The following DNAH11 variants were observed in gnomAD, a reference collection of about 807,000 sequenced individuals.
The protein encoded by DNAH11 is axonemal beta dynein heavy chain 11.
In DNAH11, 442 loss-of-function variants were observed where a neutral mutation model predicts 526.0. The observed-to-expected ratio is 0.84, with a 90% confidence interval of 0.78 to 0.91. DNAH11 has a LOEUF of 0.91. Among genes scored for constraint, DNAH11 ranks in the 40% least tolerant of loss-of-function variants. DNAH11 has a pLI of 0.00. For missense variants in DNAH11, 6,989 were observed against 5,448.7 expected, an observed-to-expected ratio of 1.28 and a Z score of -8.90; for synonymous variants, 2,461 against 1,935.9, an observed-to-expected ratio of 1.27 and a Z score of -7.12.
In DNAH11 at chr7:21,750,213, T is replaced by C. The variant is rs757846593; in HGVS notation, c.8798-9T>C. ...ATCTTTTAGTAATTCTACTCATTCT[T>C]TGGGGCAGGAGAAATCCCAGATCTG... On this transcript the variant is annotated splice_polypyrimidine_tract_variant and intron_variant, in intron 53 of 81. Coordinates refer to ENST00000409508, the MANE Select transcript of DNAH11 (RefSeq NM_001277115.2). 3 of 1,582,798 alleles carry C rather than the reference T, an allele frequency of 1.9e-6. No homozygotes were observed. Among genetic ancestry groups the C allele is most frequent in the Non-Finnish European group, 2.6e-6 (3 of 1,168,040 alleles).
chr7:21,703,117 T>A (rs1041918087), intron 37 of DNAH11, among the ~76,000 whole-genome samples: 1 of 152,198 alleles, frequency 6.6e-6, no homozygotes, highest in African/African-American at 2.4e-5. Context: ...ATTTAAGAAA[T>A]CTGATTGAAT....
intron 18 of DNAH11, 87 bp from the exon 19 acceptor site, chr7:21,606,339 A>G: frequency 4.5e-6 from 5 of 1,109,820 alleles, no homozygotes; most frequent in Non-Finnish European, 6.4e-6. Context: ...AAAAAAAAAA[A>G]GAAAGAAATT....
chr7:21,651,819 C>T (rs952499645), intron 28 of DNAH11, among the ~76,000 whole-genome samples: 3 of 152,198 alleles, frequency 2.0e-5, no homozygotes, highest in Non-Finnish European at 4.4e-5. Context: ...TAGTTGATTA[C>T]TAACTCTCCA....
chr7:21,699,875 G>C (rs893345771), intron 36 of DNAH11, among the ~76,000 whole-genome samples: 3 of 152,062 alleles, frequency 2.0e-5, no homozygotes, highest in African/African-American at 7.2e-5. Context: ...GAATGTGTAA[G>C]ATTCAAAACA....
At chr7:21,896,213 T>C (rs909544157) in intron 79 of DNAH11, among the ~76,000 whole-genome samples, 4 of 151,812 alleles carry the variant, frequency 2.6e-5, no homozygotes, top group African/African-American at 9.7e-5. Context: ...TCATCATTGC[T>C]TTTTTTGTAT....
In DNAH11 at chr7:21,854,324, G is replaced by T; in HGVS notation, c.11071G>T (p.Ala3691Ser). Reference sequence around the variant, plus strand: ...TTTGATCCCACCATAGGTGATTGAAGCCAAAGAAAATGAAAGAAAAATCAA... The same window carrying T: ...TTTGATCCCACCATAGGTGATTGAATCCAAAGAAAATGAAAGAAAAATCAA... ...VAEIEHKVIE[A>S]KENERKINEA... is the part of the protein sequence containing the mutation. Residue 3691 changes from alanine to serine, a missense_variant, in exon 68 of 82, where the codon GCC becomes TCC. Ala to Ser is a moderately conservative substitution (Grantham distance 99, BLOSUM62 1). Coordinates refer to ENST00000409508, the MANE Select transcript of DNAH11 (RefSeq NM_001277115.2). The T allele has an allele frequency of 1.2e-6, 2 of 1,613,608 alleles. No homozygotes were observed. The highest frequency in any genetic ancestry group is 1.7e-6 in the Non-Finnish European group (2 of 1,179,754).
intron 31 of DNAH11, among the ~76,000 whole-genome samples, chr7:21,683,489 TAA>T (rs1394744953): frequency 6.6e-6 from 1 of 151,160 alleles, no homozygotes; most frequent in African/African-American, 2.5e-5. Flanking sequence ...GATATGAGTA[TAA>T]AGTTACAAGA....
At chr7:21,887,800 TCTTCTCACTA>T (rs1299851373) in intron 76 of DNAH11, among the ~76,000 whole-genome samples, 1 of 152,232 alleles carries the variant, frequency 6.6e-6, no homozygotes, top group East Asian at 1.9e-4. Flanking sequence ...ATGTATGATT[TCTTCTCACTA>T]TAATCTGGAA....
chr7:21,846,352 G>C (rs796451063), intron 66 of DNAH11, among the ~76,000 whole-genome samples: 3 of 152,216 alleles, frequency 2.0e-5, no homozygotes, highest in African/African-American at 7.2e-5. Context: ...TGTAAGCTAT[G>C]ATTCTCTTCT....
intron 45 of DNAH11, among the ~76,000 whole-genome samples, chr7:21,729,981 A>T (rs1461032712): frequency 6.6e-6 from 1 of 152,226 alleles, no homozygotes; most frequent in Non-Finnish European, 1.5e-5. Flanking sequence ...GAAAGATAAC[A>T]AGTGTTGTCA....
chr7:21,881,016 A>T, intron 75 of DNAH11, 123 bp downstream of exon 75: 3 of 873,652 alleles, frequency 3.4e-6, no homozygotes, highest in Non-Finnish European at 5.0e-6. Flanking sequence ...GACACTATGT[A>T]TGTATCTTCT....
At chr7:21,728,922 T>C (rs978651327) in intron 45 of DNAH11, among the ~76,000 whole-genome samples, 1 of 152,236 alleles carries the variant, frequency 6.6e-6, no homozygotes, top group African/African-American at 2.4e-5. Context: ...CCCACTGGGA[T>C]GATGGCCCTG....
At chr7:21,775,756 A>G (rs530017320) in intron 56 of DNAH11, among the ~76,000 whole-genome samples, 1 of 152,182 alleles carries the variant, frequency 6.6e-6, no homozygotes, top group South Asian at 2.1e-4. Context: ...ACCCCTTTCC[A>G]TAAGAAAGAT....
chr7:21,685,358 G>A (rs1037938128), intron 32 of DNAH11, among the ~76,000 whole-genome samples: 1 of 152,202 alleles, frequency 6.6e-6, no homozygotes, highest in African/African-American at 2.4e-5. Flanking sequence ...TTATCATTAT[G>A]TGAGGCCTGA....
At chr7:21,687,578 A>G (rs1430212079) in intron 34 of DNAH11, 51 bp downstream of exon 34, 1 of 1,581,046 alleles carries the variant, frequency 6.3e-7, no homozygotes, top group Non-Finnish European at 8.6e-7. Context: ...ACATGGAATA[A>G]TGCAGGTAAC....
At chr7:21,639,465 C>T (rs535061525) in intron 28 of DNAH11, among the ~76,000 whole-genome samples, 38 of 152,250 alleles carry the variant, frequency 2.5e-4, no homozygotes, top group African/African-American at 7.9e-4. Flanking sequence ...TCCAGAGTCA[C>T]CTTCATAATT....
chr7:21,757,738 C>G (rs1376216922), intron 54 of DNAH11, among the ~76,000 whole-genome samples: 1 of 152,144 alleles, frequency 6.6e-6, no homozygotes, highest in Non-Finnish European at 1.5e-5. Context: ...GCGTCATGTG[C>G]AGGGACCTGA....
At chr7:21,708,765 A>G (rs1377807656) in intron 40 of DNAH11, among the ~76,000 whole-genome samples, 1 of 152,030 alleles carries the variant, frequency 6.6e-6, no homozygotes, top group Non-Finnish European at 1.5e-5. Flanking sequence ...CGTCGGCAAC[A>G]CTCTTCTGGA....
intron 72 of DNAH11, among the ~76,000 whole-genome samples, chr7:21,868,354 C>G (rs1583792047): frequency 6.6e-6 from 1 of 152,142 alleles, no homozygotes. Context: ...GCGCAAGGCA[C>G]TGTCGCCTTT....
Sources: allele counts gnomAD v4.1 joint callset (sites outside exome capture counted in the v4.1 genomes callset), GRCh38; gene constraint gnomAD v4.1.1; transcripts MANE v1.5; gene names NCBI Gene and HGNC (gene_info 2026-07-23, HGNC 2026-07-21).